CDAN1: variants seen among roughly 807,000 people sequenced by gnomAD.
CDAN1 encodes the protein codanin 1.
CDAN1 carries 107 observed loss-of-function variants against 139.8 expected under a neutral mutation model. The observed-to-expected ratio is 0.77, with a 90% CI of 0.65 to 0.90. The LOEUF is 0.90. Ranked by LOEUF, CDAN1 falls within the 40% of genes least tolerant of loss-of-function variation. The pLI, the probability that CDAN1 is intolerant of heterozygous loss-of-function variation, is 0.00. For missense variants in CDAN1, 1,667 were observed against 1,575.7 expected, an observed-to-expected ratio of 1.06 and a Z score of -0.98; for synonymous variants, 776 against 660.6, an observed-to-expected ratio of 1.17 and a Z score of -2.68.
chr15:42,726,584 C>A, intron 23 of CDAN1, 167 bp from the exon 24 acceptor site: 1 of 616,702 alleles, frequency 1.6e-6, no homozygotes, highest in Non-Finnish European at 2.9e-6. Context: ...CAGGATAATA[C>A]AGCCAGGGGA....
Position 42,724,075 on chromosome 15 carries a change from GA to G in CDAN1, c.*415del. 1 of 288,692 alleles carries G rather than the reference GA, an allele frequency of 3.5e-6. No homozygotes were observed. Among genetic ancestry groups the G allele is most frequent in the Non-Finnish European group, 6.8e-6 (1 of 147,176 alleles). The allele number at this position is 288,692 out of a possible 1,614,324, so 17.9% of individuals were successfully genotyped here. A position where few individuals can be genotyped will look rare whatever the true frequency, so the allele number is the denominator to read the frequency against. On this transcript the variant is annotated 3_prime_UTR_variant, in exon 28 of 28. Transcript: ENST00000356231. ...GTGATAAGAAAATGTAGACTCCCAAGATTCATGTTTTAACTTTCTTCATAAG... is the reference window on the plus strand; with the variant it reads ...GTGATAAGAAAATGTAGACTCCCAAGTTCATGTTTTAACTTTCTTCATAAG...
chr15:42,736,555 C>A lies in CDAN1; in HGVS notation c.316G>T (p.Ala106Ser). ...GGGGCCTCGGCAGCGGTGCTCTGGG[C>A]CTCGGTCGGAGGGAAAAGCTGGCTG... is the stretch of plus-strand genomic sequence containing the variant. ...ARSQLFPPTE[A>S]QSTAAEAPLA... The change falls in exon 2 of 28, where the codon GCC (alanine) becomes TCC (serine). Residue 106 changes from alanine to serine, a missense_variant. Physicochemically the swap from Ala to Ser is moderately conservative, Grantham distance 99. This residue lies in a region of CDAN1 where 487 missense variants were observed against 422.2 expected (regional missense o/e 1.15). Transcript: ENST00000356231. 1 of 1,482,662 alleles carries A rather than the reference C, an allele frequency of 6.7e-7. No homozygotes were observed. The allele number at this position is 1,482,662 out of a possible 1,614,324, so 91.8% of individuals were successfully genotyped here. A position where few individuals can be genotyped will look rare whatever the true frequency, so the allele number is the denominator to read the frequency against.
In CDAN1 at chr15:42,727,609, G is replaced by T. The variant is rs759995430; in HGVS notation, c.3096+12C>A. ...GAGCAGGGAAGCCAAAGGGAGTAGGGTAGCCGTGTACTTTTATCTCGGAGA... is the reference window on the plus strand; with the variant it reads ...GAGCAGGGAAGCCAAAGGGAGTAGGTTAGCCGTGTACTTTTATCTCGGAGA... On this transcript the variant is annotated intron_variant, in intron 23 of 27. Transcript: ENST00000356231. 12 of 1,550,332 alleles carry T rather than the reference G, an allele frequency of 7.7e-6. No homozygotes were observed. The East Asian group carries it at 2.8e-4, about 36-fold the overall frequency.
rs747159214 is a variant in CDAN1, at chr15:42,735,126, T to C, written c.1110A>G (p.Ala370=). ...GAAAGTGACACTCCAAAACCTGCAC[T>C]GCAAAGAAGACACAATCGTGGATGC... ...FQSIHDCVFF[A]VQVLECHFQV... The change falls in exon 6 of 28, where the codon GCA becomes GCG. Residue 370 remains alanine (A), a synonymous_variant. Coordinates refer to ENST00000356231, the MANE Select transcript of CDAN1 (RefSeq NM_138477.4). 1 of 1,613,942 alleles carries C rather than the reference T, an allele frequency of 6.2e-7. No homozygotes were observed. Among genetic ancestry groups the C allele is most frequent in the Non-Finnish European group, 8.5e-7 (1 of 1,179,866 alleles).
chr15:42,734,698 T>G (rs1220659343), intron 6 of CDAN1, among the ~76,000 whole-genome samples: 1 of 151,232 alleles, frequency 6.6e-6, no homozygotes, highest in Non-Finnish European at 1.5e-5. Flanking sequence ...CACTACAGCC[T>G]GGACCTCCCA....
chr15:42,731,498 C>T (rs1403042082), intron 11 of CDAN1, 122 bp downstream of exon 11: 10 of 1,414,520 alleles, frequency 7.1e-6, no homozygotes, highest in Non-Finnish European at 1.0e-5. Flanking sequence ...ATGAAGCCAG[C>T]AAGTTGGAGC....
rs756313602 is a variant in CDAN1, at chr15:42,735,956, A to C, written c.692T>G (p.Leu231Arg). 1 of 1,614,178 alleles carries C rather than the reference A, an allele frequency of 6.2e-7. No homozygotes were observed. Among genetic ancestry groups the C allele is most frequent in the South Asian group, 1.1e-5 (1 of 91,078 alleles). The change falls in exon 3 of 28, where the codon CTG (leucine) becomes CGG (arginine). Residue 231 changes from leucine to arginine, a missense_variant. This residue lies in a region of CDAN1 where 487 missense variants were observed against 422.2 expected (regional missense o/e 1.15). Transcript: ENST00000356231. ...GCCAAGGCCCCAAGGGCTAGTGTCC[A>C]GGGCTGAGGGTTGGGAACTGGGGAC... ...SCVPSSQPSALDTSPWGLGLP... is the reference protein window; with the variant it reads ...SCVPSSQPSARDTSPWGLGLP...
intron 6 of CDAN1, 48 bp from the exon 7 acceptor site, chr15:42,734,394 A>G (rs767213397): frequency 9.3e-6 from 15 of 1,612,434 alleles, no homozygotes; most frequent in Non-Finnish European, 1.2e-5. Flanking sequence ...ACAGACTGCA[A>G]GTAGGAAGCA....
chr15:42,726,341 C>A lies in CDAN1; in HGVS notation c.3173G>T (p.Gly1058Val). Reference protein sequence around the residue: ...VSPEHLEQLLGQLGQTLRCRQ... With the variant: ...VSPEHLEQLLVQLGQTLRCRQ... ...GCACCGCAGCGTCTGGCCCAGCTGG[C>A]CTAGGAGCTGTTCCAGATGCTCTGG... is the stretch of plus-strand genomic sequence containing the variant. The change falls in exon 24 of 28, where the codon GGC becomes GTC. Residue 1058 changes from glycine (G) to valine (V), a missense_variant. Around this residue, in one of 3 missense-constraint regions of CDAN1, gnomAD observed 936 missense variants for 844.1 expected, o/e 1.11. Coordinates refer to ENST00000356231, the MANE Select transcript of CDAN1 (RefSeq NM_138477.4). The A allele has an allele frequency of 6.3e-7, 1 of 1,593,706 alleles. No individual in the cohort carries two copies. The highest frequency in any genetic ancestry group is 8.5e-7 in the Non-Finnish European group (1 of 1,170,338).
At chr15:42,734,605 A>T (rs1268684585) in intron 6 of CDAN1, among the ~76,000 whole-genome samples, 2 of 151,940 alleles carry the variant, frequency 1.3e-5, no homozygotes, top group Non-Finnish European at 2.9e-5. Context: ...ACAGGGGTCC[A>T]TTTCTTTTTC....
At chr15:42,730,536 A>G (rs2061595955) in intron 14 of CDAN1, 62 bp downstream of exon 14, 2 of 1,578,238 alleles carry the variant, frequency 1.3e-6, no homozygotes, top group Admixed American at 3.4e-5. Context: ...TATTAATAGC[A>G]GGCTTGACCA....
At chr15:42,731,518 C>A (rs1056000177) in intron 11 of CDAN1, 102 bp downstream of exon 11, 26 of 1,443,944 alleles carry the variant, frequency 1.8e-5, no homozygotes, top group Non-Finnish European at 2.4e-5. Flanking sequence ...CTGGAAGGAG[C>A]CTATCTCCAG....
chr15:42,726,437 ATATCACCTT>A lies in CDAN1; in HGVS notation c.3097-29_3097-21del. 1.3e-6 allele frequency: 2 copies of A among 1,558,444 alleles called. No individual in the cohort carries two copies. Among genetic ancestry groups the A allele is most frequent in the East Asian group, 4.7e-5 (2 of 42,360 alleles). Reference sequence around the variant, plus strand: ...CACGTCCTGTGAAGAGCAGGGGGAGATATCACCTTGCGCTGGGGGCCAGGATGCCACAGA... The same window carrying A: ...CACGTCCTGTGAAGAGCAGGGGGAGAGCGCTGGGGGCCAGGATGCCACAGA... On this transcript the variant is annotated intron_variant, in intron 23 of 27. Coordinates refer to ENST00000356231, the MANE Select transcript of CDAN1 (RefSeq NM_138477.4).
In CDAN1 at chr15:42,724,441, G is replaced by T. The variant is rs572642343; in HGVS notation, c.*50C>A. The T allele has an allele frequency of 1.9e-6, 3 of 1,559,182 alleles. No homozygotes were observed. The highest frequency in any genetic ancestry group is 2.4e-5 in the South Asian group (2 of 84,714). On this transcript the variant is annotated 3_prime_UTR_variant, in exon 28 of 28. Coordinates refer to ENST00000356231, the MANE Select transcript of CDAN1 (RefSeq NM_138477.4). ...GGGCACTTGGGCCTCCTCGTGAGGCGGGGGTCCAGGGTTCTGGTGCAATGC... is the reference window on the plus strand; with the variant it reads ...GGGCACTTGGGCCTCCTCGTGAGGCTGGGGTCCAGGGTTCTGGTGCAATGC...
chr15:42,724,934 G>C (rs2061502765), intron 27 of CDAN1: 1 of 644,748 alleles, frequency 1.6e-6, no homozygotes, highest in African/African-American at 1.8e-5. Context: ...GGGCTGTGCT[G>C]CTTTCCAACT....
chr15:42,733,807 C>A (rs2061648548), intron 8 of CDAN1, 131 bp downstream of exon 8: 1 of 717,622 alleles, frequency 1.4e-6, no homozygotes, highest in Non-Finnish European at 2.5e-6. Context: ...TGATGGCCGG[C>A]AGGAAGGACC....
At position 42,729,072 on chromosome 15, in the gene CDAN1, C is replaced by T. The variant is rs375271914; in HGVS notation, c.2596G>A (p.Val866Ile). 5.0e-5 allele frequency: 80 copies of T among 1,614,098 alleles called. No individual in the cohort carries two copies. In the South Asian group the frequency reaches 5.9e-4, roughly 12 times the overall value. Residue 866 changes from valine (V) to isoleucine (I), a missense_variant, in exon 19 of 28, where the codon GTA becomes ATA. Coordinates refer to ENST00000356231, the MANE Select transcript of CDAN1 (RefSeq NM_138477.4). ...HNQPPSLRRTVEFVAERIGSN... is the reference protein window; with the variant it reads ...HNQPPSLRRTIEFVAERIGSN... ...CCAATTCTTTCTGCCACGAACTCTACGGTCCGGCGCAAGGAGGGCGGCTGG... is the reference window on the plus strand; with the variant it reads ...CCAATTCTTTCTGCCACGAACTCTATGGTCCGGCGCAAGGAGGGCGGCTGG...
At chr15:42,733,017 C>T in intron 9 of CDAN1, 80 bp downstream of exon 9, 1 of 1,224,328 alleles carries the variant, frequency 8.2e-7, no homozygotes, top group East Asian at 2.3e-5. Context: ...GAAAACCTTC[C>T]CTCCTCCTCC....
intron 25 of CDAN1, 76 bp from the exon 26 acceptor site, chr15:42,725,746 A>C: frequency 6.8e-7 from 1 of 1,468,602 alleles, no homozygotes; most frequent in Non-Finnish European, 9.4e-7. Context: ...TAATCCCAAC[A>C]CTTCGGGAGG....
Sources: allele counts gnomAD v4.1 joint callset (sites outside exome capture counted in the v4.1 genomes callset), GRCh38; gene constraint gnomAD v4.1.1; regional missense constraint gnomAD v4.1.1; transcripts MANE v1.5; gene names NCBI Gene and HGNC (gene_info 2026-07-23, HGNC 2026-07-21).